The following C12orf42 variants were observed in gnomAD, a reference collection of about 807,000 sequenced individuals.
C12orf42 encodes the protein uncharacterized protein C12orf42.
In C12orf42, 25 loss-of-function variants were observed where a neutral mutation model predicts 21.6. That is an observed-to-expected ratio of 1.16 (90% CI 0.84 to 1.62). The LOEUF (loss-of-function observed/expected upper bound fraction) is 1.62. C12orf42 is among the 40% of genes most tolerant of loss of function. The pLI is 0.00. For synonymous variants in C12orf42, 174 were observed against 175.0 expected, an observed-to-expected ratio of 0.99 and a Z score of 0.05; for missense variants, 483 against 459.3, an observed-to-expected ratio of 1.05 and a Z score of -0.47.
the C12orf42 span, among the ~76,000 whole-genome samples, chr12:103,227,994 C>T: frequency 5.9e-5 from 9 of 152,088 alleles, no homozygotes; most frequent in South Asian, 2.1e-4. Flanking sequence ...TTGGGCTGGT[C>T]GGTCTGAGGA....
chr12:103,099,774 CCT>C, the C12orf42 span, among the ~76,000 whole-genome samples: 1 of 152,092 alleles, frequency 6.6e-6, no homozygotes, highest in Non-Finnish European at 1.5e-5. Flanking sequence ...TGATAAAAAC[CCT>C]TTTTTTCTAA....
the C12orf42 span, among the ~76,000 whole-genome samples, chr12:103,560,331 CAG>C: frequency 2.1e-4 from 2 of 9,658 alleles, no homozygotes; most frequent in Non-Finnish European, 4.0e-4. Flanking sequence ...GGCTTGAAGC[CAG>C]AGACAGTGGA....
the C12orf42 span, among the ~76,000 whole-genome samples, chr12:103,536,726 C>G: frequency 1.3e-5 from 2 of 152,114 alleles, no homozygotes; most frequent in African/African-American, 4.8e-5. Context: ...TGTCCTTTCT[C>G]CTTTTCTCCC....
chr12:103,257,621 G>GA (rs35159593), intron 10 of C12orf42, among the ~76,000 whole-genome samples: 74,963 of 151,752 alleles, frequency 0.49, 21,481 homozygotes, highest in African/African-American at 0.79. Context: ...ATACAGTGTG[G>GA]AAAACACATA....
the C12orf42 span, among the ~76,000 whole-genome samples, chr12:103,073,266 C>T: frequency 6.6e-6 from 1 of 152,106 alleles, no homozygotes; most frequent in Non-Finnish European, 1.5e-5. Flanking sequence ...ATCTGTACAA[C>T]AAACCCCCAT....
At chr12:103,172,513 T>C in the C12orf42 span, among the ~76,000 whole-genome samples, 2 of 152,134 alleles carry the variant, frequency 1.3e-5, no homozygotes, top group African/African-American at 2.4e-5. Context: ...GAGTATATAA[T>C]ATTCCCCCAC....
chr12:103,466,559 G>C (rs1953146998), intron 2 of C12orf42, among the ~76,000 whole-genome samples: 2 of 106,564 alleles, frequency 1.9e-5, no homozygotes, highest in African/African-American at 5.8e-5. Flanking sequence ...ACAGATTTCT[G>C]TCTCTCCCTG....
chr12:103,339,106 C>T (rs10778236), intron 4 of C12orf42, among the ~76,000 whole-genome samples: 73,943 of 152,084 alleles, frequency 0.49, 20,395 homozygotes, highest in African/African-American at 0.75. Flanking sequence ...TTAACCTTCA[C>T]AATAAAAACA....
chr12:103,182,113 T>TC, the C12orf42 span, among the ~76,000 whole-genome samples: 5 of 148,138 alleles, frequency 3.4e-5, no homozygotes, highest in Non-Finnish European at 7.5e-5. Flanking sequence ...ACACGGCTGG[T>TC]CTTTATTCCC....
chr12:103,412,928 A>G (rs2048972848), intron 2 of C12orf42, among the ~76,000 whole-genome samples: 3 of 152,148 alleles, frequency 2.0e-5, no homozygotes, highest in Admixed American at 1.3e-4. Flanking sequence ...CTCTGTGGAT[A>G]GTTTCTTTTG....
chr12:103,529,616 T>A, the C12orf42 span, among the ~76,000 whole-genome samples: 2 of 152,190 alleles, frequency 1.3e-5, no homozygotes, highest in Non-Finnish European at 2.9e-5. Context: ...GATTTGAGAA[T>A]TTGAGCTCTA....
the C12orf42 span, among the ~76,000 whole-genome samples, chr12:103,183,077 T>C: frequency 6.6e-6 from 1 of 152,246 alleles, no homozygotes; most frequent in Non-Finnish European, 1.5e-5. Flanking sequence ...ATTCTCTTGC[T>C]CTATTTCATT....
At chr12:103,207,009 T>C in the C12orf42 span, among the ~76,000 whole-genome samples, 3 of 152,174 alleles carry the variant, frequency 2.0e-5, no homozygotes, top group Non-Finnish European at 4.4e-5. Context: ...GGAATTCTTA[T>C]CTCTCCCCAC....
chr12:103,433,192 A>C (rs1364356507), intron 2 of C12orf42, among the ~76,000 whole-genome samples: 1 of 152,222 alleles, frequency 6.6e-6, no homozygotes, highest in Admixed American at 6.5e-5. Flanking sequence ...TTCATTACAT[A>C]ATAAAACCAC....
At chr12:103,410,451 A>C (rs1402628424) in intron 2 of C12orf42, among the ~76,000 whole-genome samples, 1 of 152,240 alleles carries the variant, frequency 6.6e-6, no homozygotes, top group Admixed American at 6.5e-5. Flanking sequence ...TTTTTAAGTC[A>C]GGATAGCTTA....
At chr12:103,335,913 C>G (rs1046044889) in intron 4 of C12orf42, among the ~76,000 whole-genome samples, 1 of 152,220 alleles carries the variant, frequency 6.6e-6, no homozygotes, top group African/African-American at 2.4e-5. Flanking sequence ...ATATTTGACT[C>G]AATTAGAATA....
intron 2 of C12orf42, among the ~76,000 whole-genome samples, chr12:103,449,533 T>C (rs1252391067): frequency 1.3e-5 from 2 of 152,174 alleles, no homozygotes; most frequent in African/African-American, 4.8e-5. Flanking sequence ...CAATCACTTA[T>C]TAAGCACTTG....
the C12orf42 span, among the ~76,000 whole-genome samples, chr12:103,205,323 ATGCC>A: frequency 0.33 from 50,059 of 151,902 alleles, 9,166 homozygotes; most frequent in South Asian, 0.42. Flanking sequence ...ACAGTTCCAC[ATGCC>A]TGGGGAAGAC....
At chr12:103,145,808 A>T in the C12orf42 span, among the ~76,000 whole-genome samples, 3 of 152,202 alleles carry the variant, frequency 2.0e-5, no homozygotes, top group Admixed American at 1.3e-4. Context: ...GATGTTATGG[A>T]ATTGTGTTTG....
Sources: gnomAD v4.1 joint callset for allele counts (sites outside exome capture counted in the v4.1 genomes callset) on GRCh38, gnomAD v4.1.1 for gene constraint, MANE v1.5 for transcripts, NCBI Gene and HGNC (gene_info 2026-07-23, HGNC 2026-07-21) for gene names.